Variants in RAPGEF1 observed in about 807,000 individuals in gnomAD.
RAPGEF1 encodes the protein Rap guanine nucleotide exchange factor 1.
Under a neutral mutation model 143.3 loss-of-function variants are expected in RAPGEF1, and 33 were observed. The ratio of observed to expected loss-of-function variants is 0.23; its 90% confidence interval spans 0.17 to 0.31. The LOEUF is 0.31. Ranked by LOEUF, RAPGEF1 falls within the 10% of genes least tolerant of loss-of-function variation. The pLI, the probability that RAPGEF1 is intolerant of heterozygous loss-of-function variation, is 1.00. For missense variants in RAPGEF1, 1,199 were observed against 1,645.4 expected (o/e 0.73, Z 4.69); for synonymous variants, 629 against 676.5 (o/e 0.93, Z 1.09).
chr9:131,583,389 C>T lies in RAPGEF1; in HGVS notation c.3415-687G>A, dbSNP rs575491435. On this transcript the variant is annotated intron_variant, in intron 24 of 26. Transcript: ENST00000683357. The surrounding 1 kb of genome is among the most constrained non-coding windows in gnomAD (Gnocchi z 4.7). ...CTGAACATGGGCTTGAACAAGAAGACCCTGGGTGGCCTGGCTGACACCCGG... is the reference window on the plus strand; with the variant it reads ...CTGAACATGGGCTTGAACAAGAAGATCCTGGGTGGCCTGGCTGACACCCGG... Among the ~76,000 whole-genome samples, 7 of 152,256 alleles carry T rather than the reference C, an allele frequency of 4.6e-5. No individual in the cohort carries two copies. Among genetic ancestry groups the T allele is most frequent in the African/African-American group, 1.7e-4 (7 of 41,534 alleles).
chr9:131,722,662 A>C (rs1836352370), intron 1 of RAPGEF1, among the ~76,000 whole-genome samples: 1 of 152,226 alleles, frequency 6.6e-6, no homozygotes, highest in Admixed American at 6.5e-5. Context: ...CCCAGGTCCA[A>C]GATGACTGGG....
chr9:131,683,274 TTTGGA>T, intron 1 of RAPGEF1, among the ~76,000 whole-genome samples: 1 of 152,346 alleles, frequency 6.6e-6, no homozygotes, highest in South Asian at 2.1e-4. Context: ...GATAAGCCAA[TTTGGA>T]TAGAACAATG....
chr9:131,648,102 A>T (rs1396907647), intron 3 of RAPGEF1, among the ~76,000 whole-genome samples: 1 of 152,188 alleles, frequency 6.6e-6, no homozygotes, highest in Non-Finnish European at 1.5e-5. Flanking sequence ...TAAAGGGGAA[A>T]ATCCCGGCTG....
At chr9:131,620,117 T>C (rs1446704515) in intron 11 of RAPGEF1, among the ~76,000 whole-genome samples, 7 of 152,200 alleles carry the variant, frequency 4.6e-5, no homozygotes, top group Admixed American at 2.0e-4. Context: ...AGCTCGCCAC[T>C]GCCCTGCAGG....
chr9:131,587,402 G>C (rs1481081237), intron 22 of RAPGEF1, among the ~76,000 whole-genome samples: 1 of 152,280 alleles, frequency 6.6e-6, no homozygotes, highest in Admixed American at 6.5e-5. Context: ...GGCAGAGTCA[G>C]TGTGAGCATC....
intron 15 of RAPGEF1, among the ~76,000 whole-genome samples, chr9:131,598,826 G>A (rs1257933924): frequency 1.1e-5 from 1 of 93,734 alleles, no homozygotes; most frequent in Non-Finnish European, 2.0e-5. Context: ...TTATTTATTT[G>A]CTTTTTTTTT....
In RAPGEF1 at chr9:131,602,084, C is replaced by T; in HGVS notation, c.2478G>A (p.Lys826=). Residue 826 remains lysine, a synonymous_variant, in exon 15 of 27, where the codon AAG becomes AAA. Transcript: ENST00000683357. ...ACCTCTCACTGCCGTCTCTGCTGTC[C>T]TTCCCAGGGACGCCGCTGACCGCTG... is the stretch of plus-strand genomic sequence containing the variant. ...DPSAVSGVPG[K]DSRDGSERAP... 1 of 1,604,054 alleles carries T rather than the reference C, an allele frequency of 6.2e-7. No homozygotes were observed. Among genetic ancestry groups the T allele is most frequent in the East Asian group, 2.3e-5 (1 of 44,332 alleles).
At chr9:131,720,556 G>A (rs542378869) in intron 1 of RAPGEF1, among the ~76,000 whole-genome samples, 5 of 152,266 alleles carry the variant, frequency 3.3e-5, no homozygotes, top group Admixed American at 3.3e-4. Flanking sequence ...CACCGAACAG[G>A]CAGGCAGCAT....
At chr9:131,730,697 C>CAAAAAGAAA (rs1837001416) in intron 1 of RAPGEF1, among the ~76,000 whole-genome samples, 1 of 80,374 alleles carries the variant, frequency 1.2e-5, no homozygotes, top group Non-Finnish European at 2.3e-5. Context: ...GACTCCATCT[C>CAAAAAGAAA]AAAAAAAAAA....
chr9:131,737,219 T>C (rs1837475333), intron 1 of RAPGEF1, among the ~76,000 whole-genome samples: 1 of 152,182 alleles, frequency 6.6e-6, no homozygotes, highest in Non-Finnish European at 1.5e-5. Context: ...TCTTACTTTT[T>C]CTGCTTCTCA....
At chr9:131,599,270 A>G (rs1051818128) in intron 15 of RAPGEF1, among the ~76,000 whole-genome samples, 1 of 151,974 alleles carries the variant, frequency 6.6e-6, no homozygotes, top group Non-Finnish European at 1.5e-5. Flanking sequence ...GACTACAGGC[A>G]CAAGCCACCA....
At chr9:131,672,308 T>C (rs1297349484) in intron 1 of RAPGEF1, among the ~76,000 whole-genome samples, 1 of 152,268 alleles carries the variant, frequency 6.6e-6, no homozygotes, top group Non-Finnish European at 1.5e-5. Context: ...TCTATTTTAC[T>C]TTTTCACTAC....
Position 131,674,703 on chromosome 9 carries a change from C to A in RAPGEF1, c.62-23754G>T, listed in dbSNP as rs181225727. On this transcript the variant is annotated intron_variant, in intron 1 of 26. Coordinates refer to ENST00000683357, the MANE Select transcript of RAPGEF1 (RefSeq NM_001377935.1). ...CACAGCCCACCTGCTCCAGTTCAGA[C>A]GGCCTTCCCACCAACCCAACCTGAA... Among the ~76,000 whole-genome samples, 6 of 152,324 alleles carry A rather than the reference C, an allele frequency of 3.9e-5. No homozygotes were observed. The South Asian group carries it at 1.2e-3, about 32-fold the overall frequency.
intron 1 of RAPGEF1, among the ~76,000 whole-genome samples, chr9:131,659,970 C>T (rs1342594011): frequency 6.6e-6 from 1 of 152,174 alleles, no homozygotes; most frequent in Non-Finnish European, 1.5e-5. Flanking sequence ...AGGCGCCCGC[C>T]ACCACGCCCG....
chr9:131,628,777 C>T lies in RAPGEF1; in HGVS notation c.894-105G>A. On this transcript the variant is annotated intron_variant, in intron 7 of 26. Coordinates refer to ENST00000683357, the MANE Select transcript of RAPGEF1 (RefSeq NM_001377935.1). The surrounding 1 kb of genome is among the most constrained non-coding windows in gnomAD (Gnocchi z 5.7). ...GGGGTTCTTTCATTACTAGACTCTC[C>T]ACACCCAATGTTCACACTTCAACTC... 7.0e-7 allele frequency: 1 copy of T among 1,422,796 alleles called. No individual in the cohort carries two copies. The highest frequency in any genetic ancestry group is 9.5e-7 in the Non-Finnish European group (1 of 1,057,264). 88.1% of individuals were successfully genotyped at this position (1,422,796 alleles called of 1,614,324 possible).
chr9:131,735,118 G>A (rs536159676), intron 1 of RAPGEF1, among the ~76,000 whole-genome samples: 89 of 147,788 alleles, frequency 6.0e-4, no homozygotes, highest in Non-Finnish European at 9.3e-4. Context: ...CCAGGAGGCC[G>A]GGATCTTTGC....
Position 131,628,797 on chromosome 9 carries a change from C to T in RAPGEF1, c.894-125G>A, listed in dbSNP as rs1291722378. 3.1e-6 allele frequency: 4 copies of T among 1,291,742 alleles called. No homozygotes were observed. The highest frequency in any genetic ancestry group is 4.2e-6 in the Non-Finnish European group (4 of 944,772). The allele number at this position is 1,291,742 out of a possible 1,614,324, so 80.0% of individuals were successfully genotyped here. Reference sequence around the variant, plus strand: ...CTCTCCACACCCAATGTTCACACTTCAACTCCTGCCTACTCCCCTCCGCCA... The same window carrying T: ...CTCTCCACACCCAATGTTCACACTTTAACTCCTGCCTACTCCCCTCCGCCA... On this transcript the variant is annotated intron_variant, in intron 7 of 26. Transcript: ENST00000683357. This position sits in a 1 kb window ranked among gnomAD's most constrained non-coding sequence, Gnocchi z 5.7.
At chr9:131,612,877 T>G (rs547561989) in intron 12 of RAPGEF1, among the ~76,000 whole-genome samples, 39 of 152,096 alleles carry the variant, frequency 2.6e-4, no homozygotes, top group Admixed American at 7.8e-4. Flanking sequence ...CTCAGGTCAG[T>G]AGGGAAGGAA....
At chr9:131,652,435 C>T (rs973581461) in intron 1 of RAPGEF1, among the ~76,000 whole-genome samples, 2 of 151,984 alleles carry the variant, frequency 1.3e-5, no homozygotes, top group South Asian at 2.1e-4. Flanking sequence ...CTTTTTGTAG[C>T]GATGAGGTCT....
Sources: allele counts gnomAD v4.1 joint callset (sites outside exome capture counted in the v4.1 genomes callset), GRCh38; gene constraint gnomAD v4.1.1; non-coding constraint Gnocchi (gnomAD v3.1); transcripts MANE v1.5; gene names NCBI Gene and HGNC (gene_info 2026-07-23, HGNC 2026-07-21).